The following ZNF385B variants were observed in gnomAD, a reference collection of about 807,000 sequenced individuals.
ZNF385B encodes the protein zinc finger protein 385B, also known as zinc finger protein 533.
A neutral mutation model predicts 39.2 loss-of-function variants in ZNF385B; 23 were observed. The ratio of observed to expected loss-of-function variants is 0.59; its 90% CI spans 0.42 to 0.83. The LOEUF (loss-of-function observed/expected upper bound fraction) is 0.83, where lower values mean the gene tolerates loss of function less well. ZNF385B is among the 40% of genes least tolerant of loss of function. The probability of loss-of-function intolerance (pLI) is 0.00; values close to 1 mark genes in which losing one functional copy is unlikely to be tolerated. For synonymous variants in ZNF385B, 205 were observed against 222.6 expected (o/e 0.92, Z 0.70); for missense variants, 552 against 598.9 (o/e 0.92, Z 0.82).
At chr2:179,803,772 TA>T (rs61008177) in intron 1 of ZNF385B, among the ~76,000 whole-genome samples, 53 of 147,210 alleles carry the variant, frequency 3.6e-4, no homozygotes, top group East Asian at 9.9e-4. Context: ...GCCCCTTTCT[TA>T]AAAAAAAAAA....
chr2:179,712,644 T>C (rs1370264955), intron 3 of ZNF385B, among the ~76,000 whole-genome samples: 1 of 152,196 alleles, frequency 6.6e-6, no homozygotes, highest in Non-Finnish European at 1.5e-5. Context: ...CCAGCATCAC[T>C]GAGGGCTTGT....
At chr2:179,638,508 A>T (rs1016048361) in intron 3 of ZNF385B, among the ~76,000 whole-genome samples, 1 of 152,172 alleles carries the variant, frequency 6.6e-6, no homozygotes, top group Admixed American at 6.6e-5. Flanking sequence ...GTGTACCAGG[A>T]TTCTTACTTG....
At chr2:179,855,834 A>G (rs1309524215) in intron 1 of ZNF385B, among the ~76,000 whole-genome samples, 2 of 152,328 alleles carry the variant, frequency 1.3e-5, no homozygotes, top group East Asian at 3.9e-4. Flanking sequence ...TGCTGGCTCC[A>G]GGGTCATTAT....
intron 4 of ZNF385B, among the ~76,000 whole-genome samples, chr2:179,529,568 A>G (rs2059132099): frequency 6.6e-6 from 1 of 152,202 alleles, no homozygotes; most frequent in Admixed American, 6.5e-5. Context: ...TGAGAAAATT[A>G]TAGGTGTTTC....
Position 179,444,953 on chromosome 2 carries a change from C to G in ZNF385B, c.1165G>C (p.Asp389His), listed in dbSNP as rs2049324785. ...TTCAGTGGTTTCCCTGCAACTCGAT[C>G]TTTATGCCTTCGGCTAGAAATGTGC... ...KQHISSRRHK[D>H]RVAGKPLKPK... The change falls in exon 9 of 10, where the codon GAT becomes CAT. Residue 389 changes from aspartate to histidine, a missense_variant. Coordinates refer to ENST00000410066, the MANE Select transcript of ZNF385B (RefSeq NM_152520.6). 6.2e-7 allele frequency: 1 copy of G among 1,614,038 alleles called. No individual in the cohort carries two copies. Among genetic ancestry groups the G allele is most frequent in the Non-Finnish European group, 8.5e-7 (1 of 1,180,012 alleles).
intron 3 of ZNF385B, among the ~76,000 whole-genome samples, chr2:179,572,711 T>A (rs184705388): frequency 6.6e-6 from 1 of 152,246 alleles, no homozygotes; most frequent in East Asian, 1.9e-4. Context: ...ATGTCATTTC[T>A]AAGCTTTGAC....
chr2:179,574,471 C>G (rs3112977), intron 3 of ZNF385B, among the ~76,000 whole-genome samples: 50,460 of 152,012 alleles, frequency 0.33, 8,754 homozygotes, highest in East Asian at 0.61. Flanking sequence ...CTGCTTTATC[C>G]TGAATAAGGA....
intron 3 of ZNF385B, among the ~76,000 whole-genome samples, chr2:179,577,943 T>C (rs565420578): frequency 1.3e-3 from 196 of 152,248 alleles, no homozygotes; most frequent in African/African-American, 4.4e-3. Context: ...AGTAAGTATC[T>C]AAATAGTTTT....
chr2:179,458,374 GATTGT>G (rs2050938731), intron 6 of ZNF385B, among the ~76,000 whole-genome samples: 1 of 152,192 alleles, frequency 6.6e-6, no homozygotes. Context: ...CTTCTGCCAT[GATTGT>G]GAGTCCTCTC....
intron 3 of ZNF385B, among the ~76,000 whole-genome samples, chr2:179,596,894 C>A (rs1452904020): frequency 6.6e-6 from 1 of 152,068 alleles, no homozygotes; most frequent in African/African-American, 2.4e-5. Context: ...GAGCAGGCCA[C>A]ATTTTCAACA....
intron 3 of ZNF385B, among the ~76,000 whole-genome samples, chr2:179,762,877 G>A (rs1575445114): frequency 6.6e-6 from 1 of 152,138 alleles, no homozygotes; most frequent in East Asian, 1.9e-4. Context: ...GATGGCTATA[G>A]GCCTATTCAG....
intron 5 of ZNF385B, among the ~76,000 whole-genome samples, chr2:179,515,001 C>T (rs2057988006): frequency 6.6e-6 from 1 of 152,178 alleles, no homozygotes; most frequent in Non-Finnish European, 1.5e-5. Flanking sequence ...TGGTCTCGAA[C>T]TCCTGACCTC....
At chr2:179,690,974 A>G (rs1335560902) in intron 3 of ZNF385B, among the ~76,000 whole-genome samples, 1 of 152,046 alleles carries the variant, frequency 6.6e-6, no homozygotes, top group Non-Finnish European at 1.5e-5. Context: ...GGTGAAGATG[A>G]CTCTGATCTA....
chr2:179,539,920 T>C (rs1253974058), intron 4 of ZNF385B, among the ~76,000 whole-genome samples: 1 of 152,188 alleles, frequency 6.6e-6, no homozygotes, highest in African/African-American at 2.4e-5. Flanking sequence ...AAGGGGGTTT[T>C]TGTTTTATTT....
At chr2:179,449,398 C>T (rs2049846238) in intron 6 of ZNF385B, among the ~76,000 whole-genome samples, 1 of 152,124 alleles carries the variant, frequency 6.6e-6, no homozygotes, top group Admixed American at 6.6e-5. Flanking sequence ...GTAACTTCAG[C>T]AAAGTCTCAG....
At chr2:179,691,474 T>A (rs976478221) in intron 3 of ZNF385B, among the ~76,000 whole-genome samples, 1 of 152,172 alleles carries the variant, frequency 6.6e-6, no homozygotes, top group Admixed American at 6.5e-5. Context: ...TCAATAAATA[T>A]TTACCAAATG....
chr2:179,735,592 T>C (rs1002185984), intron 3 of ZNF385B, among the ~76,000 whole-genome samples: 13 of 144,712 alleles, frequency 9.0e-5, no homozygotes, highest in East Asian at 4.2e-4. Flanking sequence ...CGTATGTTTA[T>C]TGCAGCATTA....
At chr2:179,860,937 G>C (rs1292603699) in intron 1 of ZNF385B, 164 bp downstream of exon 1, 2 of 171,658 alleles carry the variant, frequency 1.2e-5, no homozygotes, top group Admixed American at 1.3e-4. Flanking sequence ...CTACAAGTGG[G>C]ACCTTGAGAC....
chr2:179,443,636 G>A (rs968791104), intron 9 of ZNF385B, among the ~76,000 whole-genome samples, 168 bp from the exon 10 acceptor site: 1 of 152,194 alleles, frequency 6.6e-6, no homozygotes, highest in Non-Finnish European at 1.5e-5. Context: ...GGTTTCAGTG[G>A]CTCATGGCAT....
Sources: allele counts gnomAD v4.1 joint callset (sites outside exome capture counted in the v4.1 genomes callset), GRCh38; gene constraint gnomAD v4.1.1; transcripts MANE v1.5; gene names NCBI Gene and HGNC (gene_info 2026-07-23, HGNC 2026-07-21).